Variants in SHROOM2 observed in about 807,000 individuals in gnomAD.
SHROOM2 encodes the protein protein Shroom2.
SHROOM2 carries 33 observed loss-of-function variants against 75.9 expected under a neutral mutation model. The observed-to-expected ratio is 0.43, with a 90% confidence interval of 0.33 to 0.58. The LOEUF is 0.58. Among genes scored for constraint, SHROOM2 ranks in the 20% least tolerant of loss-of-function variants. The pLI, the probability that SHROOM2 is intolerant of heterozygous loss-of-function variation, is 0.04. For synonymous variants in SHROOM2, 655 were observed against 663.6 expected, an observed-to-expected ratio of 0.99 and a Z score of 0.20; for missense variants, 1,434 against 1,461.2, an observed-to-expected ratio of 0.98 and a Z score of 0.30.
chrX:9,946,989 G>T lies in SHROOM2; in HGVS notation c.*52G>T. On this transcript the variant is annotated 3_prime_UTR_variant, in exon 10 of 10. Transcript: ENST00000380913. ...CACGGGGCCTCCGAGCTCCAGCTCCGTTCCCAAGGATACTCGTGAAGACCC... is the reference window on the plus strand; with the variant it reads ...CACGGGGCCTCCGAGCTCCAGCTCCTTTCCCAAGGATACTCGTGAAGACCC... 1 of 1,107,726 alleles carries T rather than the reference G, an allele frequency of 9.0e-7. No homozygotes were observed. Among genetic ancestry groups the T allele is most frequent in the Non-Finnish European group, 1.2e-6 (1 of 830,793 alleles). 91.3% of individuals were successfully genotyped at this position (1,107,726 alleles called of 1,213,427 possible).
chrX:9,797,091 G>A (rs960321737), intron 1 of SHROOM2, among the ~76,000 whole-genome samples: 2 of 112,569 alleles, frequency 1.8e-5, no homozygotes, highest in Non-Finnish European at 3.8e-5. Flanking sequence ...GGACCCACAA[G>A]TGTGGCAGAA....
chrX:9,837,265 A>G lies in SHROOM2; in HGVS notation c.166-36387A>G, dbSNP rs144608755. Among the ~76,000 whole-genome samples the G allele has an allele frequency of 6.5e-3, 727 of 112,542 alleles. 8 individuals are homozygous for G. Among genetic ancestry groups the G allele is most frequent in the African/African-American group, 0.022 (689 of 31,024 alleles). ...GGTCGCATAAGTCCTTAGAACATCA[A>G]CTGTCACTTGGGAGCCGGGATTGTT... On this transcript the variant is annotated intron_variant, in intron 1 of 9. Coordinates refer to ENST00000380913, the MANE Select transcript of SHROOM2 (RefSeq NM_001649.4).
At chrX:9,797,801 G>A (rs1034933776) in intron 1 of SHROOM2, among the ~76,000 whole-genome samples, 8 of 111,859 alleles carry the variant, frequency 7.2e-5, no homozygotes, top group Non-Finnish European at 1.3e-4. Flanking sequence ...GCTGGCCGGA[G>A]GCACAGTGGG....
chrX:9,812,344 C>T (rs188947262), intron 1 of SHROOM2, among the ~76,000 whole-genome samples: 5 of 111,752 alleles, frequency 4.5e-5, no homozygotes, highest in African/African-American at 1.6e-4. Flanking sequence ...GTTCTGGACC[C>T]CATTCAAAAC....
intron 1 of SHROOM2, among the ~76,000 whole-genome samples, chrX:9,801,651 A>T (rs1207395743): frequency 1.8e-5 from 2 of 112,302 alleles, no homozygotes; most frequent in Admixed American, 1.9e-4. Context: ...AGTAACTCAA[A>T]TATATTATTA....
intron 8 of SHROOM2, among the ~76,000 whole-genome samples, chrX:9,943,513 G>GA (rs960265274): frequency 2.7e-5 from 3 of 111,377 alleles, no homozygotes; most frequent in African/African-American, 9.8e-5. Context: ...TAAACAAGTA[G>GA]AAAAAAGGTC....
intron 1 of SHROOM2, among the ~76,000 whole-genome samples, chrX:9,858,858 C>T (rs1387292195): frequency 9.0e-6 from 1 of 111,392 alleles, no homozygotes; most frequent in Non-Finnish European, 1.9e-5. Flanking sequence ...GGCAGGTCTG[C>T]GTTCTGTGTT....
rs781363320 is a variant in SHROOM2 at position 9,861,959 on chromosome X, G to A, written c.166-11693G>A. On this transcript the variant is annotated intron_variant, in intron 1 of 9. Transcript: ENST00000380913. Reference sequence around the variant, plus strand: ...ATCAGCCAGGATCTAGTTAGGAGACGGAAGCCACACAGTAGTTGGAACAGG... The same window carrying A: ...ATCAGCCAGGATCTAGTTAGGAGACAGAAGCCACACAGTAGTTGGAACAGG... Among the ~76,000 whole-genome samples, 6 of 111,629 alleles carry A rather than the reference G, an allele frequency of 5.4e-5. No individual in the cohort carries two copies. In the East Asian group the frequency reaches 1.7e-3, roughly 32 times the overall value.
intron 2 of SHROOM2, among the ~76,000 whole-genome samples, chrX:9,882,411 A>G (rs1601964017): frequency 9.0e-6 from 1 of 111,371 alleles, no homozygotes; most frequent in East Asian, 2.8e-4. Context: ...TTAAAACATC[A>G]AGCTGAATGA....
chrX:9,832,590 T>C (rs2083922209), intron 1 of SHROOM2, among the ~76,000 whole-genome samples: 1 of 111,815 alleles, frequency 8.9e-6, no homozygotes, highest in African/African-American at 3.2e-5. Context: ...CGGGCACAGC[T>C]AGAGCTGGGA....
At position 9,895,014 on chromosome X, in the gene SHROOM2, C is replaced by G; in HGVS notation, c.1106C>G (p.Pro369Arg). Residue 369 changes from proline to arginine, a missense_variant, in exon 4 of 10, where the codon CCT becomes CGT. Physicochemically the swap from Pro to Arg is moderately radical, Grantham distance 103. Coordinates refer to ENST00000380913, the MANE Select transcript of SHROOM2 (RefSeq NM_001649.4). ...CGGAGACCAGAGCTCACCGATCGGCCTTGGAGGTCAGCACACCCGGGGAGC... is the reference window on the plus strand; with the variant it reads ...CGGAGACCAGAGCTCACCGATCGGCGTTGGAGGTCAGCACACCCGGGGAGC... Reference protein sequence around the residue: ...GDRRPELTDRPWRSAHPGSLG... With the variant: ...GDRRPELTDRRWRSAHPGSLG... 8.3e-7 allele frequency: 1 copy of G among 1,209,749 alleles called. No homozygotes were observed. Among genetic ancestry groups the G allele is most frequent in the Non-Finnish European group, 1.1e-6 (1 of 894,683 alleles).
intron 1 of SHROOM2, among the ~76,000 whole-genome samples, chrX:9,864,811 C>T (rs1311905091): frequency 1.8e-4 from 11 of 61,988 alleles, no homozygotes; most frequent in Non-Finnish European, 3.8e-4. Flanking sequence ...GGCGACAGAG[C>T]GAGACTCCGT....
At chrX:9,853,477 C>T (rs1374685137) in intron 1 of SHROOM2, among the ~76,000 whole-genome samples, 1 of 112,065 alleles carries the variant, frequency 8.9e-6, no homozygotes, top group Non-Finnish European at 1.9e-5. Flanking sequence ...GTCTGCAGAG[C>T]CTCTTTCTGA....
At chrX:9,902,099 A>T (rs920825818) in intron 5 of SHROOM2, among the ~76,000 whole-genome samples, 1 of 110,365 alleles carries the variant, frequency 9.1e-6, no homozygotes, top group African/African-American at 3.3e-5. Context: ...GGATGCATGG[A>T]TGGATAGATG....
At chrX:9,799,277 C>T (rs2060205795) in intron 1 of SHROOM2, among the ~76,000 whole-genome samples, 1 of 94,459 alleles carries the variant, frequency 1.1e-5, no homozygotes, top group South Asian at 5.3e-4. Flanking sequence ...AAGCAATTTT[C>T]GTGTCTTAAC....
intron 1 of SHROOM2, among the ~76,000 whole-genome samples, chrX:9,834,091 C>A (rs2083931092): frequency 8.9e-6 from 1 of 112,515 alleles, no homozygotes; most frequent in Non-Finnish European, 1.9e-5. Context: ...TGCCACTGGC[C>A]TTTGTGGGTG....
intron 4 of SHROOM2, among the ~76,000 whole-genome samples, chrX:9,897,954 GTATTT>G (rs1397476746): frequency 8.9e-6 from 1 of 112,455 alleles, no homozygotes; most frequent in Admixed American, 9.4e-5. Flanking sequence ...GTGACCAGCT[GTATTT>G]TATTTTATTT....
intron 1 of SHROOM2, among the ~76,000 whole-genome samples, chrX:9,801,831 C>T (rs2146731010): frequency 9.1e-6 from 1 of 110,146 alleles, no homozygotes; most frequent in African/African-American, 3.3e-5. Flanking sequence ...TGACTGGCAC[C>T]TGTAGTCCAA....
chrX:9,902,060 G>A (rs2084368302), intron 5 of SHROOM2, among the ~76,000 whole-genome samples: 1 of 110,841 alleles, frequency 9.0e-6, no homozygotes, highest in African/African-American at 3.3e-5. Context: ...ATGGATGGAT[G>A]CATGGATGGA....
Sources: allele counts gnomAD v4.1 joint callset (sites outside exome capture counted in the v4.1 genomes callset), GRCh38; gene constraint gnomAD v4.1.1; transcripts MANE v1.5; gene names NCBI Gene and HGNC (gene_info 2026-07-23, HGNC 2026-07-21).